CLVS2: variants seen among roughly 807,000 people sequenced by gnomAD.
CLVS2 encodes clavesin 2, also known as clavesin-2.
In CLVS2, 19 loss-of-function variants were observed where a neutral mutation model predicts 29.0. The ratio of observed to expected loss-of-function variants is 0.66; its 90% CI spans 0.46 to 0.96. The LOEUF (loss-of-function observed/expected upper bound fraction) is 0.96. Among genes scored for constraint, CLVS2 ranks in the 40% least tolerant of loss-of-function variants. The pLI is 0.00. For synonymous variants in CLVS2, 161 were observed against 151.3 expected (o/e 1.06, Z -0.47); for missense variants, 294 against 404.1 (o/e 0.73, Z 2.34).
intron 3 of CLVS2, among the ~76,000 whole-genome samples, chr6:123,012,662 T>C (rs1461260534): frequency 6.6e-6 from 1 of 151,884 alleles, no homozygotes; most frequent in Non-Finnish European, 1.5e-5. Flanking sequence ...GTTCTTTAAG[T>C]GCTACCTGTG....
chr6:123,068,413 G>A lies in CLVS2; in HGVS notation c.*4652G>A, dbSNP rs921344294. On this transcript the variant is annotated 3_prime_UTR_variant, in exon 6 of 6. Coordinates refer to ENST00000275162, the MANE Select transcript of CLVS2 (RefSeq NM_001010852.4). The stretch of plus-strand genomic sequence containing the variant: ...GTAAGACTTATTTTACCTGGTGAAC[G>A]AGATGGACTTAGGTGAAAATAAATT... The A allele has an allele frequency of 4.6e-5, 7 of 151,682 alleles. No homozygotes were observed. The highest frequency in any genetic ancestry group is 2.0e-4 in the Admixed American group (3 of 15,196). The allele number at this position is 151,682 out of a possible 1,614,324, so 9.4% of individuals were successfully genotyped here.
chr6:123,048,574 A>C (rs768020543), intron 3 of CLVS2, 48 bp from the exon 4 acceptor site: 4 of 1,230,410 alleles, frequency 3.3e-6, no homozygotes, highest in Non-Finnish European at 4.8e-6. Flanking sequence ...AAACCTTCTC[A>C]GTCTATTAAA....
intron 3 of CLVS2, among the ~76,000 whole-genome samples, chr6:123,012,352 C>T (rs1774761113): frequency 6.6e-6 from 1 of 151,850 alleles, no homozygotes; most frequent in Non-Finnish European, 1.5e-5. Context: ...TGGTTACCAC[C>T]CACTGTGTTA....
chr6:123,032,146 T>A (rs1243953203), intron 3 of CLVS2, among the ~76,000 whole-genome samples: 1 of 152,120 alleles, frequency 6.6e-6, no homozygotes, highest in African/African-American at 2.4e-5. Flanking sequence ...GTTTCTTGTT[T>A]AATTCACGTA....
intron 2 of CLVS2, among the ~76,000 whole-genome samples, chr6:123,001,899 TTG>T (rs759390765): frequency 9.2e-5 from 14 of 152,174 alleles, no homozygotes; most frequent in Non-Finnish European, 1.3e-4. Flanking sequence ...ATGAGTGAAA[TTG>T]TGTCACCTGA....
At chr6:123,034,931 C>T (rs886467880) in intron 3 of CLVS2, among the ~76,000 whole-genome samples, 1 of 152,092 alleles carries the variant, frequency 6.6e-6, no homozygotes, top group Non-Finnish European at 1.5e-5. Flanking sequence ...GATTCAGGTA[C>T]TTTCTGACTG....
rs998782149 is a variant in CLVS2, at chr6:123,068,166, T to C, written c.*4405T>C. ...TATATAAGATAACAACTTTGTGGAT[T>C]GAAACACTCAAATTAGCCTTTTTTT... On this transcript the variant is annotated 3_prime_UTR_variant, in exon 6 of 6. Coordinates refer to ENST00000275162, the MANE Select transcript of CLVS2 (RefSeq NM_001010852.4). 2.6e-5 allele frequency: 4 copies of C among 151,654 alleles called. No individual in the cohort carries two copies. The highest frequency in any genetic ancestry group is 6.6e-5 in the Admixed American group (1 of 15,170). 9.4% of individuals were successfully genotyped at this position (151,654 alleles called of 1,614,324 possible).
intron 3 of CLVS2, among the ~76,000 whole-genome samples, chr6:123,015,734 A>G (rs1009627346): frequency 6.6e-6 from 1 of 152,066 alleles, no homozygotes; most frequent in Non-Finnish European, 1.5e-5. Flanking sequence ...TTGACACCGC[A>G]TGGCAGAACC....
At chr6:123,059,242 G>C (rs1772740905) in intron 5 of CLVS2, among the ~76,000 whole-genome samples, 1 of 152,162 alleles carries the variant, frequency 6.6e-6, no homozygotes, top group Non-Finnish European at 1.5e-5. Context: ...GTCTTAGTCA[G>C]TTCTGTTTCC....
intron 3 of CLVS2, among the ~76,000 whole-genome samples, chr6:123,034,676 T>C (rs530694184): frequency 1.3e-5 from 2 of 152,252 alleles, no homozygotes; most frequent in South Asian, 2.1e-4. Flanking sequence ...GCTACATAGA[T>C]AATAAATTGC....
At chr6:123,049,724 C>A (rs923381571) in intron 4 of CLVS2, among the ~76,000 whole-genome samples, 1 of 141,392 alleles carries the variant, frequency 7.1e-6, no homozygotes, top group Admixed American at 7.6e-5. Flanking sequence ...CAGGTAGAAG[C>A]TTTATTGTGA....
In CLVS2 at chr6:123,054,024, G is replaced by A. The variant is rs368627905; in HGVS notation, c.676-1782G>A. Among the ~76,000 whole-genome samples the A allele has an allele frequency of 4.6e-5, 7 of 152,262 alleles. No homozygotes were observed. The East Asian group carries it at 1.4e-3, about 29-fold the overall frequency. On this transcript the variant is annotated intron_variant, in intron 4 of 5. Transcript: ENST00000275162. ...TAGTGAAAGTGGAAGCAAGGCCAAA[G>A]CGGAAAATGATGCTGCGGAAGGAGG...
Position 123,004,912 on chromosome 6 carries a change from T to A in CLVS2, c.390-6073T>A, listed in dbSNP as rs538164413. Among the ~76,000 whole-genome samples, 26 of 146,238 alleles carry A rather than the reference T, an allele frequency of 1.8e-4. 1 individual carries two copies. In the South Asian group the frequency reaches 5.6e-3, roughly 32 times the overall value. On this transcript the variant is annotated intron_variant, in intron 2 of 5. Coordinates refer to ENST00000275162, the MANE Select transcript of CLVS2 (RefSeq NM_001010852.4). ...TGGGCGACAAGAGCAAAACTCCATC[T>A]CCAAAACAAAAACAAAAACAAAAAC...
intron 3 of CLVS2, among the ~76,000 whole-genome samples, chr6:123,021,033 C>T (rs1034286477): frequency 1.4e-5 from 2 of 143,086 alleles, no homozygotes; most frequent in African/African-American, 2.7e-5. Flanking sequence ...TGTCATTGTT[C>T]ACTTATCTGA....
chr6:123,018,009 A>G (rs1774862151), intron 3 of CLVS2, among the ~76,000 whole-genome samples: 1 of 152,138 alleles, frequency 6.6e-6, no homozygotes, highest in African/African-American at 2.4e-5. Context: ...ACCACTGACA[A>G]TGTGACTTGT....
chr6:123,015,632 A>T, intron 3 of CLVS2, among the ~76,000 whole-genome samples: 1 of 152,084 alleles, frequency 6.6e-6, no homozygotes, highest in East Asian at 1.9e-4. Context: ...AAATTCTCAC[A>T]TATTAATATA....
At chr6:122,996,806 A>G (rs1774516064) in intron 1 of CLVS2, 60 bp downstream of exon 1, 2 of 163,356 alleles carry the variant, frequency 1.2e-5, no homozygotes, top group Non-Finnish European at 2.9e-5. Context: ...AGATAAGGAC[A>G]TTTTTATTTT....
chr6:123,021,842 G>C (rs760408825), intron 3 of CLVS2, among the ~76,000 whole-genome samples: 2 of 151,982 alleles, frequency 1.3e-5, no homozygotes, highest in African/African-American at 2.4e-5. Flanking sequence ...GTGAGGATGA[G>C]GCCATATTTT....
intron 3 of CLVS2, among the ~76,000 whole-genome samples, chr6:123,031,703 A>T (rs544323963): frequency 6.6e-6 from 1 of 152,298 alleles, no homozygotes; most frequent in African/African-American, 2.4e-5. Flanking sequence ...ATGATCTTTT[A>T]AGTGGCTGTT....
Sources: allele counts gnomAD v4.1 joint callset (sites outside exome capture counted in the v4.1 genomes callset), GRCh38; gene constraint gnomAD v4.1.1; transcripts MANE v1.5; gene names NCBI Gene and HGNC (gene_info 2026-07-23, HGNC 2026-07-21).